Variants in DLG2 observed in about 807,000 individuals in gnomAD.
The protein encoded by DLG2 is disks large homolog 2.
In DLG2, 45 loss-of-function variants were observed where a neutral mutation model predicts 132.5. The observed-to-expected ratio is 0.34, with a 90% CI of 0.27 to 0.44. The LOEUF is 0.44. Among genes scored for constraint, DLG2 ranks in the 20% least tolerant of loss-of-function variants. The pLI is 1.00. For missense variants in DLG2, 1,045 were observed against 1,196.9 expected (o/e 0.87, Z 1.87); for synonymous variants, 424 against 419.6 (o/e 1.01, Z -0.13).
In DLG2 at chr11:83,514,861, T is replaced by C. The variant is rs139365390; in HGVS notation, c.2193+17847A>G. ...TGATTTGCGTATGTTGAACCAACCTTGCATCCCAGGGATGAAGCCCACTTG... is the reference window on the plus strand; with the variant it reads ...TGATTTGCGTATGTTGAACCAACCTCGCATCCCAGGGATGAAGCCCACTTG... On this transcript the variant is annotated intron_variant, in intron 21 of 27. Coordinates refer to ENST00000376104, the MANE Select transcript of DLG2 (RefSeq NM_001142699.3). Among the ~76,000 whole-genome samples the C allele has an allele frequency of 1.9e-3, 289 of 152,356 alleles. 4 individuals are homozygous for C. Among genetic ancestry groups the C allele is most frequent in the African/African-American group, 6.7e-3 (277 of 41,572 alleles).
chr11:84,632,148 T>C (rs906801081), intron 6 of DLG2, among the ~76,000 whole-genome samples: 2 of 152,306 alleles, frequency 1.3e-5, no homozygotes, highest in Admixed American at 6.5e-5. Flanking sequence ...AAGTTTGCTG[T>C]GTTGAAATAC....
chr11:84,486,698 CA>C (rs111862570), intron 7 of DLG2, among the ~76,000 whole-genome samples: 3 of 152,238 alleles, frequency 2.0e-5, no homozygotes, highest in African/African-American at 7.2e-5. Context: ...ATGTATGTAT[CA>C]GCCACTAATA....
intron 4 of DLG2, among the ~76,000 whole-genome samples, chr11:85,206,570 A>C (rs1376226840): frequency 6.6e-6 from 1 of 152,212 alleles, no homozygotes; most frequent in African/African-American, 2.4e-5. Context: ...TTATCCCAAT[A>C]AATGTGAACA....
chr11:84,366,301 C>G lies in DLG2; in HGVS notation c.520-115010G>C, dbSNP rs1438734090. Among the ~76,000 whole-genome samples, 6 of 151,928 alleles carry G rather than the reference C, an allele frequency of 3.9e-5. No homozygotes were observed. In the East Asian group the frequency reaches 1.2e-3, roughly 30 times the overall value. On this transcript the variant is annotated intron_variant, in intron 7 of 27. Transcript: ENST00000376104. The stretch of plus-strand genomic sequence containing the variant: ...CACCACCAGGCCTGCCCTACAAGAG[C>G]TCCTGAAGGAAGCACTAAACATGGA...
intron 11 of DLG2, among the ~76,000 whole-genome samples, chr11:84,003,416 C>T (rs1467895866): frequency 6.6e-6 from 1 of 152,090 alleles, no homozygotes; most frequent in Non-Finnish European, 1.5e-5. Flanking sequence ...TTTCATACTG[C>T]TATAAAGAAC....
chr11:84,387,188 C>T (rs1229767740), intron 7 of DLG2, among the ~76,000 whole-genome samples: 3 of 151,944 alleles, frequency 2.0e-5, no homozygotes, highest in Admixed American at 6.6e-5. Flanking sequence ...CCCAGGTGGG[C>T]GCTAGAGTCC....
At chr11:84,673,963 C>T (rs977396898) in intron 6 of DLG2, among the ~76,000 whole-genome samples, 6 of 152,136 alleles carry the variant, frequency 3.9e-5, no homozygotes, top group African/African-American at 1.4e-4. Context: ...TGCTTTCAGA[C>T]TTAATTAACT....
chr11:83,714,268 T>G (rs756184609), intron 18 of DLG2, among the ~76,000 whole-genome samples: 6 of 151,706 alleles, frequency 4.0e-5, no homozygotes, highest in Non-Finnish European at 1.5e-5. Flanking sequence ...GAGAGTAAAA[T>G]GTAGGCAAAT....
At chr11:84,999,157 T>C (rs1301147891) in intron 6 of DLG2, among the ~76,000 whole-genome samples, 2 of 152,016 alleles carry the variant, frequency 1.3e-5, no homozygotes, top group Non-Finnish European at 2.9e-5. Context: ...GAATCAATTA[T>C]AGTGGTGCAA....
intron 11 of DLG2, among the ~76,000 whole-genome samples, chr11:84,032,197 A>T (rs1025685581): frequency 6.6e-6 from 1 of 152,210 alleles, no homozygotes; most frequent in Non-Finnish European, 1.5e-5. Flanking sequence ...ATCAAAATCT[A>T]GAAATGATTA....
chr11:85,186,184 A>G (rs1306756813), intron 4 of DLG2, among the ~76,000 whole-genome samples: 1 of 152,020 alleles, frequency 6.6e-6, no homozygotes, highest in African/African-American at 2.4e-5. Flanking sequence ...TGTGAGCCAT[A>G]GTAAAATTTT....
At chr11:83,706,402 T>C (rs1170873576) in intron 18 of DLG2, among the ~76,000 whole-genome samples, 1 of 152,106 alleles carries the variant, frequency 6.6e-6, no homozygotes, top group East Asian at 1.9e-4. Context: ...AGCGGCTGAA[T>C]GACCACTTGG....
chr11:83,480,682 A>C (rs1304225201), intron 22 of DLG2: 1 of 1,488,356 alleles, frequency 6.7e-7, no homozygotes, highest in Admixed American at 2.0e-5. Flanking sequence ...ATGTCAATTT[A>C]GGCGATTAGA....
chr11:85,315,465 G>A (rs1362859447), intron 3 of DLG2, among the ~76,000 whole-genome samples: 1 of 151,960 alleles, frequency 6.6e-6, no homozygotes. Flanking sequence ...TCCACCAGAG[G>A]ACTCAGCAGT....
At chr11:85,045,075 G>A (rs1022363162) in intron 6 of DLG2, among the ~76,000 whole-genome samples, 4 of 152,000 alleles carry the variant, frequency 2.6e-5, no homozygotes, top group East Asian at 1.9e-4. Flanking sequence ...GGCATGTGTC[G>A]CCCACCTGCA....
At chr11:84,527,058 G>A (rs1210817038) in intron 7 of DLG2, among the ~76,000 whole-genome samples, 4 of 151,994 alleles carry the variant, frequency 2.6e-5, no homozygotes, top group African/African-American at 7.3e-5. Flanking sequence ...GATTACAGGC[G>A]TGAGCCACCG....
At chr11:84,271,149 T>C (rs2097716932) in intron 7 of DLG2, among the ~76,000 whole-genome samples, 1 of 152,234 alleles carries the variant, frequency 6.6e-6, no homozygotes, top group Non-Finnish European at 1.5e-5. Flanking sequence ...ATAATGGCTA[T>C]AATTTCTAAA....
chr11:84,667,866 G>C (rs1232959462), intron 6 of DLG2, among the ~76,000 whole-genome samples: 2 of 152,058 alleles, frequency 1.3e-5, no homozygotes, highest in Admixed American at 6.6e-5. Flanking sequence ...CACCCAAAAA[G>C]TTAACTCTGG....
chr11:84,235,320 G>C (rs543446523), intron 8 of DLG2, among the ~76,000 whole-genome samples: 16 of 152,196 alleles, frequency 1.1e-4, no homozygotes, highest in Non-Finnish European at 1.9e-4. Context: ...TCCTGGAGCT[G>C]TATCGAGGGC....
Sources: gnomAD v4.1 joint callset for allele counts (sites outside exome capture counted in the v4.1 genomes callset) on GRCh38, gnomAD v4.1.1 for gene constraint, MANE v1.5 for transcripts, NCBI Gene and HGNC (gene_info 2026-07-23, HGNC 2026-07-21) for gene names.